The following LARGE1 variants were observed in gnomAD, a reference collection of about 807,000 sequenced individuals.
The protein encoded by LARGE1 is xylosyl- and glucuronyltransferase LARGE1.
Under a neutral mutation model 87.6 loss-of-function variants are expected in LARGE1, and 43 were observed. That is an observed-to-expected ratio of 0.49 (90% CI 0.38 to 0.63). The LOEUF (loss-of-function observed/expected upper bound fraction) is 0.63. Ranked by LOEUF, LARGE1 falls within the 30% of genes least tolerant of loss-of-function variation. LARGE1 has a pLI of 0.00. For synonymous variants in LARGE1, 434 were observed against 394.6 expected, an observed-to-expected ratio of 1.10 and a Z score of -1.18; for missense variants, 802 against 1,000.2, an observed-to-expected ratio of 0.80 and a Z score of 2.67.
At chr22:33,231,283 C>T (rs2145655767) in intron 11 of LARGE1, among the ~76,000 whole-genome samples, 2 of 152,296 alleles carry the variant, frequency 1.3e-5, no homozygotes, top group Middle Eastern at 3.4e-3. Flanking sequence ...TAGTACAGAA[C>T]AGGAGTTTAG....
At chr22:33,150,141 G>T in the LARGE1 span, among the ~76,000 whole-genome samples, 2 of 152,132 alleles carry the variant, frequency 1.3e-5, no homozygotes, top group Non-Finnish European at 2.9e-5. Flanking sequence ...AAGTATCAAA[G>T]AACTGAAACT....
In LARGE1 at chr22:33,311,964, G is replaced by A. The variant is rs78944424; in HGVS notation, c.1451+4121C>T. 5.4e-3 allele frequency among the ~76,000 whole-genome samples: 827 copies of A among 152,208 alleles called. 4 individuals carry two copies. The highest frequency in any genetic ancestry group is 0.018 in the African/African-American group (766 of 41,528). On this transcript the variant is annotated intron_variant, in intron 11 of 14. Coordinates refer to ENST00000397394, the MANE Select transcript of LARGE1 (RefSeq NM_133642.5). ...GAATGAGTTGGTGGGATTTGAACCC[G>A]GAGCTCTCTGTCCTTCCGTCTAGTG...
At chr22:33,865,203 A>G (rs1335969920) in intron 1 of LARGE1, among the ~76,000 whole-genome samples, 1 of 152,136 alleles carries the variant, frequency 6.6e-6, no homozygotes. Context: ...ACCCATCTTC[A>G]AGAAGGGAAG....
intron 7 of LARGE1, among the ~76,000 whole-genome samples, chr22:33,408,067 GC>G (rs1442018865): frequency 3.3e-5 from 5 of 149,886 alleles, no homozygotes; most frequent in Admixed American, 1.3e-4. Context: ...TGCAACCTCT[GC>G]CTCCTGGGTT....
chr22:33,100,842 T>A, the LARGE1 span, among the ~76,000 whole-genome samples: 2 of 143,900 alleles, frequency 1.4e-5, no homozygotes, highest in Admixed American at 1.4e-4. Flanking sequence ...TAACTTCTAT[T>A]TTTTTTTTTT....
intron 6 of LARGE1, among the ~76,000 whole-genome samples, chr22:33,490,323 GA>G (rs1252932958): frequency 6.6e-6 from 1 of 152,134 alleles, no homozygotes; most frequent in East Asian, 1.9e-4. Flanking sequence ...AGAGAATAAA[GA>G]GGAATCCCTG....
intron 2 of LARGE1, among the ~76,000 whole-genome samples, chr22:33,670,978 A>C (rs2081391515): frequency 6.6e-6 from 1 of 152,304 alleles, no homozygotes; most frequent in South Asian, 2.1e-4. Flanking sequence ...GCACCAAAAA[A>C]TGAGAAAATG....
chr22:33,229,457 T>A (rs1925897811), intron 11 of LARGE1, among the ~76,000 whole-genome samples: 1 of 152,036 alleles, frequency 6.6e-6, no homozygotes, highest in African/African-American at 2.4e-5. Context: ...ATGAATATTT[T>A]AAAAATAAAT....
At chr22:33,128,693 A>AAAG in the LARGE1 span, among the ~76,000 whole-genome samples, 1 of 136,536 alleles carries the variant, frequency 7.3e-6, no homozygotes, top group Non-Finnish European at 1.6e-5. Context: ...AAAAAAAAAA[A>AAAG]AAAAGAAAAA....
intron 2 of LARGE1, among the ~76,000 whole-genome samples, chr22:33,689,166 T>TCTCTCTCC (rs771515424): frequency 2.3e-5 from 3 of 128,984 alleles, no homozygotes; most frequent in South Asian, 2.4e-4. Flanking sequence ...TCTCTCTCTC[T>TCTCTCTCC]CCCCCCTCCT....
chr22:33,469,642 T>A (rs2068749379), intron 6 of LARGE1, among the ~76,000 whole-genome samples: 1 of 151,826 alleles, frequency 6.6e-6, no homozygotes. Flanking sequence ...CTGGCCAACA[T>A]GGTGAAACCC....
the LARGE1 span, among the ~76,000 whole-genome samples, chr22:33,144,448 T>C: frequency 6.6e-6 from 1 of 152,188 alleles, no homozygotes; most frequent in Non-Finnish European, 1.5e-5. Context: ...GTTGCATATA[T>C]TGAGTTATAT....
intron 2 of LARGE1, among the ~76,000 whole-genome samples, chr22:33,706,066 C>A (rs1286103399): frequency 6.6e-6 from 1 of 152,122 alleles, no homozygotes. Flanking sequence ...AGTTAACTGC[C>A]CCGGTGGGCG....
the LARGE1 span, among the ~76,000 whole-genome samples, chr22:33,092,216 T>C: frequency 2.6e-5 from 4 of 151,602 alleles, no homozygotes; most frequent in African/African-American, 9.7e-5. Context: ...TTCTTCTAAA[T>C]CCTTAATAAG....
intron 9 of LARGE1, among the ~76,000 whole-genome samples, chr22:33,368,982 T>C (rs998941756): frequency 2.6e-5 from 4 of 152,132 alleles, no homozygotes; most frequent in Non-Finnish European, 5.9e-5. Context: ...TGGTGGTTGT[T>C]GGAAGGTTGG....
At chr22:33,853,774 G>A (rs550401814) in intron 1 of LARGE1, among the ~76,000 whole-genome samples, 42 of 152,358 alleles carry the variant, frequency 2.8e-4, no homozygotes, top group African/African-American at 8.9e-4. Flanking sequence ...CTGTTGTGCC[G>A]TCTGCTGTAT....
At chr22:33,260,865 C>T (rs567746748) in intron 11 of LARGE1, among the ~76,000 whole-genome samples, 1 of 152,308 alleles carries the variant, frequency 6.6e-6, no homozygotes, top group Admixed American at 6.5e-5. Context: ...TGATGAACTG[C>T]TTGGACCCAG....
chr22:33,350,910 T>G (rs778727830), intron 9 of LARGE1, among the ~76,000 whole-genome samples: 15 of 152,174 alleles, frequency 9.9e-5, no homozygotes, highest in African/African-American at 1.4e-4. Flanking sequence ...ACCTGTCCCA[T>G]GAAGGGTCAA....
intron 1 of LARGE1, among the ~76,000 whole-genome samples, chr22:33,859,487 A>C (rs1010934948): frequency 1.3e-5 from 2 of 152,202 alleles, no homozygotes; most frequent in Non-Finnish European, 2.9e-5. Flanking sequence ...GTAGGGACTC[A>C]GAAAATAAAA....
Sources: gnomAD v4.1 joint callset for allele counts (sites outside exome capture counted in the v4.1 genomes callset) on GRCh38, gnomAD v4.1.1 for gene constraint, MANE v1.5 for transcripts, NCBI Gene and HGNC (gene_info 2026-07-23, HGNC 2026-07-21) for gene names.